Variants in GFRA2 observed in about 807,000 individuals in gnomAD.
GFRA2 encodes the protein GDNF family receptor alpha-2.
Under a neutral mutation model 48.3 loss-of-function variants are expected in GFRA2, and 17 were observed. The observed-to-expected ratio is 0.35, with a 90% confidence interval of 0.24 to 0.53. GFRA2 has a LOEUF of 0.53. Among genes scored for constraint, GFRA2 ranks in the 20% least tolerant of loss-of-function variants. GFRA2 has a pLI of 0.93. For synonymous variants in GFRA2, 305 were observed against 257.2 expected (o/e 1.19, Z -1.78); for missense variants, 660 against 637.3 (o/e 1.04, Z -0.38).
intron 3 of GFRA2, among the ~76,000 whole-genome samples, chr8:21,759,860 T>C (rs1260182819): frequency 7.5e-6 from 1 of 134,088 alleles, no homozygotes; most frequent in African/African-American, 2.9e-5. Context: ...CTGCACTCCA[T>C]CCTGGGCAAC....
Position 21,694,487 on chromosome 8 carries a change from C to G in GFRA2, c.1249G>C (p.Glu417Gln). Reference protein sequence around the residue: ...EQGLKANNSKELSMCFTELTT... With the variant: ...EQGLKANNSKQLSMCFTELTT... ...ACCTCTGTGAAGCACATGCTTAACT[C>G]TTTGGAGTTGTTGGCCTTCAGCCCC... The change falls in exon 8 of 9, where the codon GAG becomes CAG. Residue 417 changes from glutamate (E) to glutamine (Q), a missense_variant. By Grantham distance (29) the Glu-to-Gln change is conservative. Coordinates refer to ENST00000524240, the MANE Select transcript of GFRA2 (RefSeq NM_001495.5). The G allele has an allele frequency of 5.6e-6, 9 of 1,612,484 alleles. No individual in the cohort carries two copies. Among genetic ancestry groups the G allele is most frequent in the Non-Finnish European group, 5.1e-6 (6 of 1,179,546 alleles).
intron 4 of GFRA2, among the ~76,000 whole-genome samples, chr8:21,747,168 T>C (rs574051603): frequency 6.6e-6 from 1 of 152,312 alleles, no homozygotes; most frequent in African/African-American, 2.4e-5. Context: ...TGCTCCATCA[T>C]TCCACGCAGC....
At chr8:21,696,808 G>C (rs555862274) in intron 7 of GFRA2, among the ~76,000 whole-genome samples, 62 of 151,934 alleles carry the variant, frequency 4.1e-4, no homozygotes, top group African/African-American at 1.4e-3. Context: ...GAAGAGGAGA[G>C]TGAAGAAAGG....
At chr8:21,717,375 T>A (rs1411778097) in intron 4 of GFRA2, among the ~76,000 whole-genome samples, 1 of 152,146 alleles carries the variant, frequency 6.6e-6, no homozygotes, top group African/African-American at 2.4e-5. Flanking sequence ...GAAATCATGA[T>A]ATGCAGTTAA....
intron 1 of GFRA2, chr8:21,783,129 C>G (rs1807096043): frequency 1.5e-6 from 1 of 682,952 alleles, no homozygotes; most frequent in Non-Finnish European, 2.7e-6. Flanking sequence ...TCCTCCTCAG[C>G]AGCGGCCCTG....
chr8:21,804,225 C>CACAT (rs1554499315), intron 2 of GFRA2, among the ~76,000 whole-genome samples: 2 of 151,506 alleles, frequency 1.3e-5, no homozygotes, highest in East Asian at 1.9e-4. Context: ...CACACACACA[C>CACAT]ACACATGCAT....
chr8:21,700,174 C>G (rs1037185085), intron 7 of GFRA2, among the ~76,000 whole-genome samples: 2 of 152,168 alleles, frequency 1.3e-5, no homozygotes, highest in African/African-American at 2.4e-5. Flanking sequence ...CCAAGACTGA[C>G]CTGACACTCA....
chr8:21,707,937 G>C (rs1247805596), intron 4 of GFRA2, among the ~76,000 whole-genome samples: 2 of 152,182 alleles, frequency 1.3e-5, no homozygotes, highest in African/African-American at 4.8e-5. Flanking sequence ...TGCTCCGTGA[G>C]ATCTGACAAG....
In GFRA2 at chr8:21,788,121, T is replaced by C. The variant is rs1807377746; in HGVS notation, c.39A>G (p.Leu13=). ...LANVFCLFFF[L]DETLRSLASP... is the part of the protein sequence containing the mutation. ...AGCTCGCCGCCCGCAGGTACTCACC[T>C]AGAAAGAAGAAGAGGCAGAAGACGT... Residue 13 remains leucine (L), a splice_region_variant and synonymous_variant, in exon 1 of 9, where the codon CTA becomes CTG. Transcript: ENST00000524240. The C allele has an allele frequency of 2.1e-6, 3 of 1,447,182 alleles. No homozygotes were observed. The highest frequency in any genetic ancestry group is 2.8e-6 in the Non-Finnish European group (3 of 1,078,094). The allele number at this position is 1,447,182 out of a possible 1,614,324, so 89.6% of individuals were successfully genotyped here.
rs1344954933 is a variant in GFRA2 at position 21,770,455 on chromosome 8, C to T, written c.439+4517G>A. Among the ~76,000 whole-genome samples the T allele has an allele frequency of 5.3e-5, 8 of 152,204 alleles. 1 individual carries two copies. Among genetic ancestry groups the T allele is most frequent in the East Asian group, 3.9e-4 (2 of 5,190 alleles). ...ACAGGATTGGGGCTTAGAGGAGAAG[C>T]GCTTCAGAGGTGGGACAGGGATTGG... On this transcript the variant is annotated intron_variant, in intron 3 of 8. Coordinates refer to ENST00000524240, the MANE Select transcript of GFRA2 (RefSeq NM_001495.5).
intron 4 of GFRA2, among the ~76,000 whole-genome samples, chr8:21,735,630 A>G (rs1804419014): frequency 6.6e-6 from 1 of 152,208 alleles, no homozygotes; most frequent in African/African-American, 2.4e-5. Flanking sequence ...CAAATGAAAG[A>G]AACAACAATA....
chr8:21,711,859 T>C (rs1287775219), intron 4 of GFRA2, among the ~76,000 whole-genome samples: 1 of 152,096 alleles, frequency 6.6e-6, no homozygotes, highest in African/African-American at 2.4e-5. Flanking sequence ...CCTGGGTACT[T>C]GAGATTAGGG....
At chr8:21,732,192 G>A (rs981122890) in intron 4 of GFRA2, among the ~76,000 whole-genome samples, 9 of 152,212 alleles carry the variant, frequency 5.9e-5, no homozygotes, top group Non-Finnish European at 1.3e-4. Flanking sequence ...AAATAAATGA[G>A]ATGTGTTTTC....
At chr8:21,782,111 G>A (rs1011142362) in intron 2 of GFRA2, among the ~76,000 whole-genome samples, 30 of 152,294 alleles carry the variant, frequency 2.0e-4, no homozygotes, top group African/African-American at 7.0e-4. Context: ...GGCAGCAGCC[G>A]TGGCAGCGGA....
chr8:21,737,881 C>G (rs1804549105), intron 4 of GFRA2, among the ~76,000 whole-genome samples: 1 of 152,190 alleles, frequency 6.6e-6, no homozygotes, highest in South Asian at 2.1e-4. Flanking sequence ...TGAGCCCTGT[C>G]TCCCCAAACG....
chr8:21,799,183 C>T (rs1415010209), intron 2 of GFRA2, among the ~76,000 whole-genome samples: 5 of 152,066 alleles, frequency 3.3e-5, no homozygotes, highest in African/African-American at 9.7e-5. Flanking sequence ...CCTCCCCTTC[C>T]GTTCTCTTTA....
intron 4 of GFRA2, among the ~76,000 whole-genome samples, chr8:21,738,917 A>G (rs67270397): frequency 0.12 from 17,989 of 152,248 alleles, 1,225 homozygotes; most frequent in Middle Eastern, 0.26. Flanking sequence ...CAGAGCTTCC[A>G]TGGAGGTGCT....
intron 4 of GFRA2, among the ~76,000 whole-genome samples, chr8:21,735,692 G>A (rs1174774751): frequency 2.0e-5 from 3 of 152,202 alleles, no homozygotes; most frequent in East Asian, 1.9e-4. Flanking sequence ...GACAGGGTCT[G>A]TACTCTGTCA....
At chr8:21,811,590 C>G (rs1456356038) in intron 1 of GFRA2, among the ~76,000 whole-genome samples, 1 of 152,056 alleles carries the variant, frequency 6.6e-6, no homozygotes, top group African/African-American at 2.4e-5. Flanking sequence ...CTTTACATTC[C>G]CCATGTCCTG....
Sources: allele counts gnomAD v4.1 joint callset (sites outside exome capture counted in the v4.1 genomes callset), GRCh38; gene constraint gnomAD v4.1.1; transcripts MANE v1.5; gene names NCBI Gene and HGNC (gene_info 2026-07-23, HGNC 2026-07-21).